The following MRPS28 variants were observed in gnomAD, a reference collection of about 807,000 sequenced individuals.
MRPS28 encodes the protein mitochondrial ribosomal protein S28.
Under a neutral mutation model 10.8 loss-of-function variants are expected in MRPS28, and 7 were observed. The observed-to-expected ratio is 0.65, with a 90% CI of 0.37 to 1.22. MRPS28 has a LOEUF of 1.22. MRPS28 is among the 50% of genes most tolerant of loss of function. The probability of loss-of-function intolerance (pLI) is 0.02; values close to 1 mark genes in which losing one functional copy is unlikely to be tolerated. For missense variants in MRPS28, 265 were observed against 232.9 expected, an observed-to-expected ratio of 1.14 and a Z score of -0.90; for synonymous variants, 121 against 93.3, an observed-to-expected ratio of 1.30 and a Z score of -1.71.
intron 1 of MRPS28, among the ~76,000 whole-genome samples, chr8:80,011,144 T>TTTA (rs1809035466): frequency 6.6e-6 from 1 of 151,436 alleles, no homozygotes; most frequent in African/African-American, 2.4e-5. Context: ...TATTTTTATT[T>TTTA]TTTTTTGTAA....
intron 2 of MRPS28, among the ~76,000 whole-genome samples, chr8:79,983,819 G>A (rs1808058258): frequency 6.6e-6 from 1 of 152,182 alleles, no homozygotes; most frequent in Admixed American, 6.5e-5. Context: ...GAAAGTGACG[G>A]GGAGAATGGA....
At chr8:79,961,078 AACT>A (rs1807361383) in intron 2 of MRPS28, among the ~76,000 whole-genome samples, 1 of 152,088 alleles carries the variant, frequency 6.6e-6, no homozygotes, top group Non-Finnish European at 1.5e-5. Flanking sequence ...AACTCTGTTT[AACT>A]ACTATATCCT....
chr8:80,003,868 C>G (rs538918261), intron 1 of MRPS28, among the ~76,000 whole-genome samples: 1 of 152,328 alleles, frequency 6.6e-6, no homozygotes, highest in South Asian at 2.1e-4. Context: ...GGGTCCCATG[C>G]CCACGGAGCC....
intron 2 of MRPS28, among the ~76,000 whole-genome samples, chr8:79,987,539 C>T (rs1329401595): frequency 6.6e-6 from 1 of 152,044 alleles, no homozygotes; most frequent in East Asian, 1.9e-4. Flanking sequence ...TGACAAAGGG[C>T]TAATATCCAG....
At chr8:79,939,977 T>A (rs78900161) in intron 2 of MRPS28, among the ~76,000 whole-genome samples, 140 of 140,584 alleles carry the variant, frequency 1.0e-3, no homozygotes, top group Non-Finnish European at 1.3e-3. Context: ...CCGTCTCAAA[T>A]AAAAAAAAAA....
At chr8:79,980,390 G>A (rs868728537) in intron 2 of MRPS28, among the ~76,000 whole-genome samples, 1 of 152,206 alleles carries the variant, frequency 6.6e-6, no homozygotes, top group Non-Finnish European at 1.5e-5. Flanking sequence ...GCTAATAAAT[G>A]TTGGCTATAA....
At chr8:79,968,404 G>A (rs1219285939) in intron 2 of MRPS28, among the ~76,000 whole-genome samples, 2 of 152,030 alleles carry the variant, frequency 1.3e-5, no homozygotes, top group African/African-American at 4.8e-5. Context: ...CTCCTAGAAT[G>A]GGGCTTAGAA....
chr8:79,940,398 C>T (rs1806735247), intron 2 of MRPS28, among the ~76,000 whole-genome samples: 1 of 152,054 alleles, frequency 6.6e-6, no homozygotes, highest in Non-Finnish European at 1.5e-5. Flanking sequence ...TTTACTGTTC[C>T]AGGAAATGAA....
At chr8:79,987,847 T>A (rs1168134488) in intron 2 of MRPS28, among the ~76,000 whole-genome samples, 1 of 152,188 alleles carries the variant, frequency 6.6e-6, no homozygotes, top group East Asian at 1.9e-4. Context: ...GTTTAACCAT[T>A]GTGGAAGTCA....
At chr8:79,968,731 AG>A (rs1807560319) in intron 2 of MRPS28, among the ~76,000 whole-genome samples, 1 of 151,858 alleles carries the variant, frequency 6.6e-6, no homozygotes, top group East Asian at 1.9e-4. Flanking sequence ...AAAAAAAAAA[AG>A]AATCAGTTCA....
chr8:79,959,771 C>T (rs1807326697), intron 2 of MRPS28, among the ~76,000 whole-genome samples: 1 of 151,986 alleles, frequency 6.6e-6, no homozygotes, highest in African/African-American at 2.4e-5. Context: ...TAATCCTAGG[C>T]TTTTAAGAGC....
At chr8:79,931,150 G>A (rs1806451191) in intron 2 of MRPS28, among the ~76,000 whole-genome samples, 1 of 152,096 alleles carries the variant, frequency 6.6e-6, no homozygotes, top group Non-Finnish European at 1.5e-5. Flanking sequence ...AAACAGGGTA[G>A]AATAGTGACT....
intron 2 of MRPS28, among the ~76,000 whole-genome samples, chr8:79,983,109 G>A (rs1328095105): frequency 2.0e-5 from 3 of 152,034 alleles, no homozygotes; most frequent in South Asian, 2.1e-4. Flanking sequence ...CAGCATTCAC[G>A]GTTCAAGAAA....
At chr8:80,015,560 C>A (rs760579673) in intron 1 of MRPS28, among the ~76,000 whole-genome samples, 16 of 152,170 alleles carry the variant, frequency 1.1e-4, no homozygotes, top group Non-Finnish European at 2.4e-4. Flanking sequence ...TTTCCCTCCC[C>A]ACACACCCTA....
At chr8:80,004,274 CCT>C (rs1174523215) in intron 1 of MRPS28, among the ~76,000 whole-genome samples, 2 of 152,302 alleles carry the variant, frequency 1.3e-5, no homozygotes, top group South Asian at 2.1e-4. Flanking sequence ...GCCGGGTACC[CCT>C]CTGAGACGAA....
At chr8:79,974,001 T>C (rs977130136) in intron 2 of MRPS28, among the ~76,000 whole-genome samples, 1 of 152,084 alleles carries the variant, frequency 6.6e-6, no homozygotes, top group African/African-American at 2.4e-5. Flanking sequence ...ATCCTCGGCC[T>C]CACAAAGTGT....
chr8:79,949,311 G>A (rs957781874), intron 2 of MRPS28, among the ~76,000 whole-genome samples: 1 of 151,986 alleles, frequency 6.6e-6, no homozygotes, highest in Non-Finnish European at 1.5e-5. Context: ...GTACTTGGGA[G>A]GCTAAAGCAG....
chr8:79,993,843 A>G (rs1808426488), intron 2 of MRPS28, among the ~76,000 whole-genome samples: 2 of 152,190 alleles, frequency 1.3e-5, no homozygotes, highest in African/African-American at 4.8e-5. Context: ...AACATCCAAC[A>G]TACATTCCAC....
chr8:79,972,108 G>A (rs1807650238), intron 2 of MRPS28, among the ~76,000 whole-genome samples: 1 of 152,028 alleles, frequency 6.6e-6, no homozygotes, highest in South Asian at 2.1e-4. Flanking sequence ...TGCAGATTCA[G>A]TCAACCACAA....
Sources: gnomAD v4.1 joint callset for allele counts (sites outside exome capture counted in the v4.1 genomes callset) on GRCh38, gnomAD v4.1.1 for gene constraint, MANE v1.5 for transcripts, NCBI Gene and HGNC (gene_info 2026-07-23, HGNC 2026-07-21) for gene names.